Variants in NEGR1 observed in about 807,000 individuals in gnomAD.
NEGR1 encodes the protein IgLON family member 4.
NEGR1 carries 10 observed loss-of-function variants against 40.9 expected under a neutral mutation model. That is an observed-to-expected ratio of 0.24 (90% CI 0.15 to 0.42). The LOEUF (loss-of-function observed/expected upper bound fraction) is 0.42, where lower values mean the gene tolerates loss of function less well. Among genes scored for constraint, NEGR1 ranks in the 10% least tolerant of loss-of-function variants. NEGR1 has a pLI of 1.00. For missense variants in NEGR1, 352 were observed against 438.9 expected (o/e 0.80, Z 1.77); for synonymous variants, 185 against 166.8 (o/e 1.11, Z -0.84).
intron 6 of NEGR1, among the ~76,000 whole-genome samples, chr1:71,445,232 G>T (rs59219835): frequency 0.035 from 5,270 of 151,710 alleles, 321 homozygotes; most frequent in African/African-American, 0.12. Context: ...CTTAAATCTT[G>T]TCTTCTCAGA....
intron 1 of NEGR1, among the ~76,000 whole-genome samples, chr1:72,164,790 T>C (rs1404037868): frequency 6.6e-6 from 1 of 151,994 alleles, no homozygotes; most frequent in East Asian, 1.9e-4. Context: ...AAAGTGTATA[T>C]ATTTGGGATT....
At chr1:71,629,791 A>G (rs1161828815) in intron 4 of NEGR1, among the ~76,000 whole-genome samples, 1 of 152,000 alleles carries the variant, frequency 6.6e-6, no homozygotes, top group Non-Finnish European at 1.5e-5. Context: ...ATGTGCAAAG[A>G]TCACCTCTAG....
intron 4 of NEGR1, among the ~76,000 whole-genome samples, chr1:71,688,811 T>C (rs1001560588): frequency 1.4e-4 from 21 of 152,180 alleles, no homozygotes; most frequent in African/African-American, 4.1e-4. Context: ...CACAAAATCA[T>C]TGGCCTTGCA....
chr1:71,717,608 A>C lies in NEGR1; in HGVS notation c.536-19469T>G, dbSNP rs1654320449. 2.6e-5 allele frequency among the ~76,000 whole-genome samples: 4 copies of C among 152,334 alleles called. No individual in the cohort carries two copies. In the South Asian group the frequency reaches 8.3e-4, roughly 32 times the overall value. Reference sequence around the variant, plus strand: ...TGATATCTAATAGCATTCTGCTTCTAAAAAGAAATATAATTCTTCAATAAA... The same window carrying C: ...TGATATCTAATAGCATTCTGCTTCTCAAAAGAAATATAATTCTTCAATAAA... On this transcript the variant is annotated intron_variant, in intron 3 of 6. Coordinates refer to ENST00000357731, the MANE Select transcript of NEGR1 (RefSeq NM_173808.3).
chr1:71,770,003 G>A lies in NEGR1; in HGVS notation c.535+6169C>T, dbSNP rs949299433. 3.9e-5 allele frequency among the ~76,000 whole-genome samples: 6 copies of A among 152,110 alleles called. No homozygotes were observed. The South Asian group carries it at 1.2e-3, about 32-fold the overall frequency. ...TTACTTTTGATAAGAGGAAGATCTG[G>A]ATCTCAAACTCGACTGAAATCAAAA... On this transcript the variant is annotated intron_variant, in intron 3 of 6. Transcript: ENST00000357731.
intron 1 of NEGR1, among the ~76,000 whole-genome samples, chr1:72,239,749 T>A (rs1654673839): frequency 6.6e-6 from 1 of 151,748 alleles, no homozygotes; most frequent in African/African-American, 2.4e-5. Flanking sequence ...TAGAAAGGAA[T>A]TAGAATTTAC....
chr1:71,768,041 A>G (rs1656191596), intron 3 of NEGR1, among the ~76,000 whole-genome samples: 1 of 152,228 alleles, frequency 6.6e-6, no homozygotes. Context: ...ATATCCAGGC[A>G]TCCAGGCAGA....
intron 1 of NEGR1, among the ~76,000 whole-genome samples, chr1:72,244,420 T>C (rs1473456606): frequency 1.3e-5 from 2 of 151,936 alleles, no homozygotes; most frequent in African/African-American, 4.8e-5. Context: ...TGTACATACA[T>C]ATGTATGTTT....
chr1:71,816,777 T>A (rs768016966), intron 2 of NEGR1, among the ~76,000 whole-genome samples: 27 of 152,008 alleles, frequency 1.8e-4, no homozygotes, highest in Admixed American at 3.9e-4. Flanking sequence ...GCCCACACTC[T>A]CTGCCTTCCT....
chr1:72,180,801 T>C lies in NEGR1; in HGVS notation c.176+101518A>G, dbSNP rs188656756. Among the ~76,000 whole-genome samples the C allele has an allele frequency of 3.3e-5, 5 of 152,236 alleles. No homozygotes were observed. The East Asian group carries it at 9.7e-4, about 29-fold the overall frequency. ...TAGAATGGCCACTAACAAAATGTTATAAGAGCCCTAGGGTTTAAAACTGTC... is the reference window on the plus strand; with the variant it reads ...TAGAATGGCCACTAACAAAATGTTACAAGAGCCCTAGGGTTTAAAACTGTC... On this transcript the variant is annotated intron_variant, in intron 1 of 6. Coordinates refer to ENST00000357731, the MANE Select transcript of NEGR1 (RefSeq NM_173808.3).
At chr1:71,823,489 GA>G (rs1450940868) in intron 2 of NEGR1, among the ~76,000 whole-genome samples, 1 of 151,926 alleles carries the variant, frequency 6.6e-6, no homozygotes, top group East Asian at 1.9e-4. Flanking sequence ...GTGTAAAAAA[GA>G]AAACACGCTT....
At chr1:71,716,466 CA>C (rs928073493) in intron 3 of NEGR1, among the ~76,000 whole-genome samples, 5 of 151,854 alleles carry the variant, frequency 3.3e-5, no homozygotes, top group Non-Finnish European at 7.4e-5. Context: ...TCACAAAATC[CA>C]AACTGTATGA....
intron 2 of NEGR1, among the ~76,000 whole-genome samples, chr1:71,824,603 T>C (rs1658550946): frequency 6.6e-6 from 1 of 151,960 alleles, no homozygotes; most frequent in Non-Finnish European, 1.5e-5. Flanking sequence ...AACTGTAAAC[T>C]ATTGTGTAAT....
At chr1:71,506,511 G>C (rs900218311) in intron 6 of NEGR1, among the ~76,000 whole-genome samples, 2 of 152,028 alleles carry the variant, frequency 1.3e-5, no homozygotes, top group Non-Finnish European at 1.5e-5. Context: ...CCCCATGCCA[G>C]GTCAGGAATA....
chr1:72,059,955 C>T (rs771540643), intron 1 of NEGR1, among the ~76,000 whole-genome samples: 35 of 151,478 alleles, frequency 2.3e-4, no homozygotes, highest in Admixed American at 9.9e-4. Context: ...GACCAAATGC[C>T]CCTCCATGAC....
intron 1 of NEGR1, among the ~76,000 whole-genome samples, chr1:72,056,558 T>C (rs1308387203): frequency 6.6e-6 from 1 of 151,464 alleles, no homozygotes; most frequent in African/African-American, 2.4e-5. Context: ...ATTATAGTGA[T>C]TTACTTTAGA....
At chr1:72,229,248 C>T (rs1198369762) in intron 1 of NEGR1, among the ~76,000 whole-genome samples, 7 of 151,198 alleles carry the variant, frequency 4.6e-5, no homozygotes, top group African/African-American at 1.7e-4. Context: ...TTAGGTTGAT[C>T]CTGGAATCCA....
At chr1:72,173,814 G>T (rs1414244249) in intron 1 of NEGR1, among the ~76,000 whole-genome samples, 1 of 152,142 alleles carries the variant, frequency 6.6e-6, no homozygotes, top group South Asian at 2.1e-4. Context: ...GTGGTGGCAG[G>T]CACCTGTCAT....
intron 3 of NEGR1, among the ~76,000 whole-genome samples, chr1:71,761,391 G>A (rs193028543): frequency 5.3e-5 from 8 of 152,244 alleles, no homozygotes; most frequent in African/African-American, 1.9e-4. Context: ...CTAATCCATG[G>A]TCTACAGACT....
Sources: allele counts gnomAD v4.1 joint callset (sites outside exome capture counted in the v4.1 genomes callset), GRCh38; gene constraint gnomAD v4.1.1; transcripts MANE v1.5; gene names NCBI Gene and HGNC (gene_info 2026-07-23, HGNC 2026-07-21).